PCDHA5: variants seen among roughly 807,000 people sequenced by gnomAD.
The protein encoded by PCDHA5 is protocadherin alpha 5.
PCDHA5 carries 43 observed loss-of-function variants against 61.6 expected under a neutral mutation model. The observed-to-expected ratio is 0.70, with a 90% CI of 0.55 to 0.90. The LOEUF (loss-of-function observed/expected upper bound fraction) is 0.90, where lower values mean the gene tolerates loss of function less well. Ranked by LOEUF, PCDHA5 falls within the 40% of genes least tolerant of loss-of-function variation. The probability of loss-of-function intolerance (pLI) is 0.00; values close to 1 mark genes in which losing one functional copy is unlikely to be tolerated. For missense variants in PCDHA5, 1,298 were observed against 1,222.7 expected, an observed-to-expected ratio of 1.06 and a Z score of -0.92; for synonymous variants, 627 against 543.9, an observed-to-expected ratio of 1.15 and a Z score of -2.13.
In PCDHA5 at chr5:140,877,706, T is replaced by C. The variant is rs142399025; in HGVS notation, c.2352+53579T>C. On this transcript the variant is annotated intron_variant, in intron 1 of 3. Coordinates refer to ENST00000529859, the MANE Select transcript of PCDHA5 (RefSeq NM_018908.3). ...CCCACGCTGGTGTGCTCCAGCGCCG[T>C]GGGGAGTTGGTCTTACTCGCAGCAG... is the stretch of plus-strand genomic sequence containing the variant. The C allele has an allele frequency of 5.8e-4, 943 of 1,613,918 alleles. 7 individuals carry two copies. In the African/African-American group the frequency reaches 0.011, roughly 19 times the overall value.
chr5:140,856,178 G>T lies in PCDHA5; in HGVS notation c.2352+32051G>T, dbSNP rs782689818. ...CGAGGAGGCCAGACACGGCACCTTC[G>T]TGGGCCGCATCGCGCAGGACCTGGG... is the stretch of plus-strand genomic sequence containing the variant. On this transcript the variant is annotated intron_variant, in intron 1 of 3. Coordinates refer to ENST00000529859, the MANE Select transcript of PCDHA5 (RefSeq NM_018908.3). 6.3e-6 allele frequency: 10 copies of T among 1,598,138 alleles called. 2 individuals are homozygous for T. Among genetic ancestry groups the T allele is most frequent in the Non-Finnish European group, 8.6e-6 (10 of 1,167,922 alleles).
chr5:140,891,635 G>A (rs1266162781), intron 1 of PCDHA5, among the ~76,000 whole-genome samples: 3 of 151,868 alleles, frequency 2.0e-5, no homozygotes, highest in African/African-American at 7.3e-5. Context: ...TTTGCTCTTT[G>A]GGCTTTATTG....
At chr5:140,857,793 G>T (rs782663646) in intron 1 of PCDHA5, 3 of 1,597,706 alleles carry the variant, frequency 1.9e-6, no homozygotes, top group Non-Finnish European at 2.6e-6. Flanking sequence ...CTGGTGCTGC[G>T]GTCGGTGGTT....
chr5:140,950,087 T>G (rs1433717313), intron 1 of PCDHA5, among the ~76,000 whole-genome samples: 3 of 151,938 alleles, frequency 2.0e-5, no homozygotes, highest in Admixed American at 6.6e-5. Flanking sequence ...ATGCTATAGT[T>G]TTCATTTGTA....
chr5:140,853,897 G>T lies in PCDHA5; in HGVS notation c.2352+29770G>T, dbSNP rs1222195078. Reference sequence around the variant, plus strand: ...AGTTTCTGTAATTTAAAAAGATGTGGTGGCCTGACACCTGCAATCCCAACA... The same window carrying T: ...AGTTTCTGTAATTTAAAAAGATGTGTTGGCCTGACACCTGCAATCCCAACA... On this transcript the variant is annotated intron_variant, in intron 1 of 3. Coordinates refer to ENST00000529859, the MANE Select transcript of PCDHA5 (RefSeq NM_018908.3). 24 of 967,496 alleles carry T rather than the reference G, an allele frequency of 2.5e-5. 1 individual carries two copies. In the African/African-American group the frequency reaches 4.3e-4, roughly 17 times the overall value. The allele number at this position is 967,496 out of a possible 1,614,324, so 59.9% of individuals were successfully genotyped here.
intron 1 of PCDHA5, among the ~76,000 whole-genome samples, chr5:140,900,662 G>C (rs2068213556): frequency 6.6e-6 from 1 of 152,190 alleles, no homozygotes; most frequent in South Asian, 2.1e-4. Flanking sequence ...ATGAACAATG[G>C]GAGTGCAGTT....
At chr5:140,979,354 A>G (rs1205411040) in intron 2 of PCDHA5, among the ~76,000 whole-genome samples, 1 of 151,576 alleles carries the variant, frequency 6.6e-6, no homozygotes. Context: ...ATTAATACTC[A>G]TGCTTTGAGA....
chr5:140,882,602 A>G lies in PCDHA5; in HGVS notation c.2352+58475A>G, dbSNP rs782347582. 1.9e-6 allele frequency: 3 copies of G among 1,614,276 alleles called. No homozygotes were observed. In the South Asian group the frequency reaches 3.3e-5, roughly 18 times the overall value. ...CATCCACCTGGAGGTGATCGTGGAC[A>G]GGCCTCTGCAGGTTTTCCATGTGGA... On this transcript the variant is annotated intron_variant, in intron 1 of 3. Coordinates refer to ENST00000529859, the MANE Select transcript of PCDHA5 (RefSeq NM_018908.3).
chr5:141,006,296 C>G (rs2153987135), intron 3 of PCDHA5, among the ~76,000 whole-genome samples: 1 of 152,102 alleles, frequency 6.6e-6, no homozygotes, highest in East Asian at 1.9e-4. Context: ...ACTGCAAGCT[C>G]CACTTCCCGG....
At chr5:140,941,185 CTTTT>C (rs782102770) in intron 1 of PCDHA5, among the ~76,000 whole-genome samples, 59 of 102,236 alleles carry the variant, frequency 5.8e-4, no homozygotes, top group South Asian at 3.1e-3. Context: ...CATCCTGCTT[CTTTT>C]TTTTTCTTTC....
At chr5:140,868,042 C>G (rs1248168990) in intron 1 of PCDHA5, 1 of 151,924 alleles carries the variant, frequency 6.6e-6, no homozygotes, top group Non-Finnish European at 1.5e-5. Context: ...CTTGGAAATA[C>G]CAATATGGCA....
At chr5:140,978,566 T>G (rs1554239422) in intron 1 of PCDHA5, among the ~76,000 whole-genome samples, 1 of 152,204 alleles carries the variant, frequency 6.6e-6, no homozygotes, top group East Asian at 1.9e-4. Flanking sequence ...ATAGCTGTAA[T>G]ACTGAATTGG....
chr5:140,986,371 G>T (rs1453761888), intron 3 of PCDHA5, among the ~76,000 whole-genome samples: 2 of 152,116 alleles, frequency 1.3e-5, no homozygotes, highest in African/African-American at 2.4e-5. Flanking sequence ...AATGCGTTTT[G>T]GGGGGAGGGA....
chr5:140,948,670 A>G (rs951520840), intron 1 of PCDHA5, among the ~76,000 whole-genome samples: 1 of 151,654 alleles, frequency 6.6e-6, no homozygotes. Context: ...TAGTGATAAC[A>G]TCTTTTTCAT....
intron 1 of PCDHA5, among the ~76,000 whole-genome samples, chr5:140,880,234 G>T (rs560785672): frequency 1.8e-4 from 28 of 152,250 alleles, no homozygotes; most frequent in Non-Finnish European, 2.8e-4. Context: ...TTAAATTAGT[G>T]TATGTGCGTG....
chr5:140,850,425 C>T (rs2150483747), intron 1 of PCDHA5: 2 of 1,597,932 alleles, frequency 1.3e-6, no homozygotes, highest in Non-Finnish European at 8.6e-7. Context: ...GGACGCACCG[C>T]GCCAGCGCCT....
intron 1 of PCDHA5, among the ~76,000 whole-genome samples, chr5:140,939,327 C>T (rs2092367339): frequency 6.6e-6 from 1 of 152,146 alleles, no homozygotes; most frequent in South Asian, 2.1e-4. Flanking sequence ...ATATCATAAT[C>T]TTAGGGGTTA....
At chr5:140,883,544 A>T in intron 1 of PCDHA5, 1 of 1,614,168 alleles carries the variant, frequency 6.2e-7, no homozygotes, top group South Asian at 1.1e-5. Flanking sequence ...ACTGGTGGTG[A>T]CCGCGCGGGA....
chr5:140,876,567 G>T (rs782286416), intron 1 of PCDHA5: 90 of 1,614,068 alleles, frequency 5.6e-5, no homozygotes, highest in Non-Finnish European at 6.3e-5. Context: ...ATGCTCAGGT[G>T]GGTACCGTCA....
Sources: allele counts gnomAD v4.1 joint callset (sites outside exome capture counted in the v4.1 genomes callset), GRCh38; gene constraint gnomAD v4.1.1; transcripts MANE v1.5; gene names NCBI Gene and HGNC (gene_info 2026-07-23, HGNC 2026-07-21).